SCN2A: variants seen among roughly 807,000 people sequenced by gnomAD.
SCN2A encodes sodium voltage-gated channel alpha subunit 2, also known as sodium channel protein type 2 subunit alpha.
A neutral mutation model predicts 188.7 loss-of-function variants in SCN2A; 20 were observed. The observed-to-expected ratio is 0.11, with a 90% CI of 0.07 to 0.15. SCN2A has a LOEUF of 0.15. Ranked by LOEUF, SCN2A falls within the 10% of genes least tolerant of loss-of-function variation. The pLI, the probability that SCN2A is intolerant of heterozygous loss-of-function variation, is 1.00. For missense variants in SCN2A, 1,278 were observed against 2,445.0 expected, an observed-to-expected ratio of 0.52 and a Z score of 10.07; for synonymous variants, 804 against 833.1, an observed-to-expected ratio of 0.97 and a Z score of 0.60.
intron 14 of SCN2A, among the ~76,000 whole-genome samples, chr2:165,341,081 T>G (rs1191196664): frequency 2.0e-5 from 3 of 151,842 alleles, no homozygotes; most frequent in Non-Finnish European, 4.4e-5. Context: ...AGTGGTGATA[T>G]ATATATTTTT....
chr2:165,343,426 AT>A (rs1219050600), intron 15 of SCN2A, among the ~76,000 whole-genome samples: 1 of 152,194 alleles, frequency 6.6e-6, no homozygotes, highest in Non-Finnish European at 1.5e-5. Flanking sequence ...AACAAGTAAT[AT>A]GGGCAAGAAC....
intron 19 of SCN2A, among the ~76,000 whole-genome samples, chr2:165,368,356 A>G (rs914825722): frequency 6.6e-6 from 1 of 152,162 alleles, no homozygotes; most frequent in South Asian, 2.1e-4. Context: ...AGGGTGCACC[A>G]TGGGTGGTTT....
Position 165,391,978 on chromosome 2 carries a change from G to A in SCN2A, c.*2154G>A, listed in dbSNP as rs1234657553. 6.6e-6 allele frequency: 1 copy of A among 152,538 alleles called. No homozygotes were observed. The highest frequency in any genetic ancestry group is 1.5e-5 in the Non-Finnish European group (1 of 67,986). The allele number at this position is 152,538 out of a possible 1,614,324, so 9.4% of individuals were successfully genotyped here. Reference sequence around the variant, plus strand: ...GGTGAAATGCATGCAGGAAAATGCTGTTACCATAAAGAACGGTAAACCACA... The same window carrying A: ...GGTGAAATGCATGCAGGAAAATGCTATTACCATAAAGAACGGTAAACCACA... On this transcript the variant is annotated 3_prime_UTR_variant, in exon 27 of 27. Coordinates refer to ENST00000375437, the MANE Select transcript of SCN2A (RefSeq NM_001040142.2).
At chr2:165,317,404 A>T (rs72874307) in intron 11 of SCN2A, among the ~76,000 whole-genome samples, 34,266 of 151,442 alleles carry the variant, frequency 0.23, 4,027 homozygotes, top group Non-Finnish European at 0.26. Context: ...AAAGGGAGCA[A>T]AGGAGGGAGG....
intron 2 of SCN2A, 107 bp downstream of exon 2, chr2:165,296,197 A>G (rs572631093): frequency 1.9e-6 from 2 of 1,067,580 alleles, no homozygotes; most frequent in East Asian, 4.7e-5. Context: ...TGTCTAAAGT[A>G]TCACTAAGAT....
intron 1 of SCN2A, among the ~76,000 whole-genome samples, chr2:165,287,163 C>G (rs1695876727): frequency 6.6e-6 from 1 of 152,198 alleles, no homozygotes; most frequent in East Asian, 1.9e-4. Flanking sequence ...GCCAAGCAGG[C>G]AACTTGAGAG....
intron 20 of SCN2A, chr2:165,371,317 C>G (rs983943688): frequency 6.6e-6 from 1 of 152,134 alleles, no homozygotes; most frequent in Non-Finnish European, 1.5e-5. Context: ...TGAAACTGAT[C>G]AACACTTTGC....
At chr2:165,267,794 A>C (rs1574470465) in intron 1 of SCN2A, 1 of 151,642 alleles carries the variant, frequency 6.6e-6, no homozygotes, top group African/African-American at 2.4e-5. Flanking sequence ...CAAAGGACCT[A>C]AATGGACATT....
rs1369165812 is a variant in SCN2A at position 165,323,372 on chromosome 2, C to A, written c.1888C>A (p.Arg630Ser). 6.2e-7 allele frequency: 1 copy of A among 1,613,986 alleles called. No individual in the cohort carries two copies. The highest frequency in any genetic ancestry group is 1.7e-5 in the Admixed American group (1 of 60,000). The change falls in exon 12 of 27, where the codon CGT (arginine) becomes AGT (serine). Residue 630 changes from arginine to serine, a missense_variant. Physicochemically the swap from Arg to Ser is moderately radical, Grantham distance 110. Around this residue, in one of 17 missense-constraint regions of SCN2A, gnomAD observed 315 missense variants for 386.6 expected, o/e 0.81. Transcript: ENST00000375437. ...CCACAGCAATGTCAGCCAGGCCAGC[C>A]GTGCCTCCAGGGTGCTCCCCATCCT... Reference protein sequence around the residue: ...RRHSNVSQASRASRVLPILPM... With the variant: ...RRHSNVSQASSASRVLPILPM...
intron 7 of SCN2A, among the ~76,000 whole-genome samples, chr2:165,311,818 A>G (rs556487979): frequency 1.8e-4 from 27 of 152,220 alleles, no homozygotes; most frequent in African/African-American, 6.5e-4. Flanking sequence ...TCTTTTTAAC[A>G]TAGATTTGCT....
intron 25 of SCN2A, among the ~76,000 whole-genome samples, chr2:165,386,151 T>A (rs184515972): frequency 6.6e-6 from 1 of 152,252 alleles, no homozygotes; most frequent in Admixed American, 6.5e-5. Flanking sequence ...CTCACATAAA[T>A]GCTATGAGGT....
chr2:165,367,290 G>A lies in SCN2A; in HGVS notation c.3594G>A (p.Arg1198=), dbSNP rs140194137. ...AAGGGAAACTCTGGTGGAATTTGAG[G>A]AAAACATGCTATAAGATAGTGGAGC... ...EGKGKLWWNL[R]KTCYKIVEHN... Residue 1198 remains arginine, a synonymous_variant, in exon 19 of 27, where the codon AGG becomes AGA. Transcript: ENST00000375437. 1,223 of 1,614,102 alleles carry A rather than the reference G, an allele frequency of 7.6e-4. 9 individuals are homozygous for A. Among genetic ancestry groups the A allele is most frequent in the Middle Eastern group, 4.5e-3 (27 of 6,062 alleles).
intron 1 of SCN2A, among the ~76,000 whole-genome samples, chr2:165,293,147 G>A (rs1696310962): frequency 6.6e-6 from 1 of 152,194 alleles, no homozygotes; most frequent in South Asian, 2.1e-4. Context: ...CTGGGGCTGA[G>A]GCTAATATCA....
At chr2:165,367,116 A>C (rs1219469500) in intron 18 of SCN2A, 101 bp from the exon 19 acceptor site, 1 of 1,116,890 alleles carries the variant, frequency 9.0e-7, no homozygotes, top group African/African-American at 1.6e-5. Context: ...TGTTATTTAC[A>C]ATGTATTATC....
intron 25 of SCN2A, among the ~76,000 whole-genome samples, chr2:165,385,519 T>A (rs957266852): frequency 6.6e-6 from 1 of 152,208 alleles, no homozygotes; most frequent in Non-Finnish European, 1.5e-5. Context: ...AAGATAATTT[T>A]ATTCTTACAG....
At chr2:165,351,528 C>T in intron 16 of SCN2A, among the ~76,000 whole-genome samples, 1 of 151,198 alleles carries the variant, frequency 6.6e-6, no homozygotes, top group South Asian at 2.1e-4. Flanking sequence ...CTCACTTATT[C>T]TGCAAACATC....
At chr2:165,292,604 A>G (rs909529479) in intron 1 of SCN2A, among the ~76,000 whole-genome samples, 5 of 152,216 alleles carry the variant, frequency 3.3e-5, no homozygotes, top group African/African-American at 1.2e-4. Context: ...TTTGCCCAAC[A>G]AATACATTTT....
chr2:165,296,413 G>T, intron 2 of SCN2A: 2 of 302,820 alleles, frequency 6.6e-6, no homozygotes, highest in Non-Finnish European at 6.2e-6. Context: ...CCCTAATAAT[G>T]TTGAGAAGCA....
intron 15 of SCN2A, among the ~76,000 whole-genome samples, chr2:165,343,134 A>T (rs577183752): frequency 5.5e-4 from 84 of 152,234 alleles, no homozygotes; most frequent in Non-Finnish European, 8.1e-4. Flanking sequence ...GTTTTGTTAT[A>T]CTATTACTTT....
Sources: allele counts gnomAD v4.1 joint callset (sites outside exome capture counted in the v4.1 genomes callset), GRCh38; gene constraint gnomAD v4.1.1; regional missense constraint gnomAD v4.1.1; transcripts MANE v1.5; gene names NCBI Gene and HGNC (gene_info 2026-07-23, HGNC 2026-07-21).